The following NEK1 variants were observed in gnomAD, a reference collection of about 807,000 sequenced individuals.
NEK1 encodes serine/threonine-protein kinase Nek1.
NEK1 carries 137 observed loss-of-function variants against 182.1 expected under a neutral mutation model. The observed-to-expected ratio is 0.75, with a 90% confidence interval of 0.65 to 0.87. The LOEUF (loss-of-function observed/expected upper bound fraction) is 0.87, where lower values mean the gene tolerates loss of function less well. Among genes scored for constraint, NEK1 ranks in the 40% least tolerant of loss-of-function variants. The pLI, the probability that NEK1 is intolerant of heterozygous loss-of-function variation, is 0.00. For synonymous variants in NEK1, 513 were observed against 492.2 expected (o/e 1.04, Z -0.56); for missense variants, 1,391 against 1,494.4 (o/e 0.93, Z 1.14).
chr4:169,576,750 T>G (rs1244041416), intron 12 of NEK1, 178 bp downstream of exon 12: 2 of 530,628 alleles, frequency 3.8e-6, no homozygotes, highest in Non-Finnish European at 6.6e-6. Context: ...ACTTAATGAC[T>G]TTTTATGACT....
chr4:169,544,277 T>C (rs1030337041), intron 18 of NEK1, among the ~76,000 whole-genome samples: 4 of 152,180 alleles, frequency 2.6e-5, no homozygotes, highest in African/African-American at 9.7e-5. Context: ...GTTTATTGAT[T>C]TGTGGATGTT....
Position 169,498,968 on chromosome 4 carries a change from G to A in NEK1, c.2007+8069C>T, listed in dbSNP as rs929433776. 1.2e-4 allele frequency among the ~76,000 whole-genome samples: 18 copies of A among 152,310 alleles called. 1 individual carries two copies. Among genetic ancestry groups the A allele is most frequent in the Admixed American group, 1.2e-3 (18 of 15,296 alleles). The stretch of plus-strand genomic sequence containing the variant: ...TGTTGGCATGTCTTGCTAGATTGGG[G>A]AAGTTCTCCTGGATAATATACTGCA... On this transcript the variant is annotated intron_variant, in intron 23 of 35. Coordinates refer to ENST00000507142, the MANE Select transcript of NEK1 (RefSeq NM_001199397.3).
chr4:169,558,561 GTTTTTAAGA>G (rs1420010735), intron 16 of NEK1, among the ~76,000 whole-genome samples: 1 of 152,088 alleles, frequency 6.6e-6, no homozygotes, highest in East Asian at 1.9e-4. Flanking sequence ...TCACTCACAG[GTTTTTAAGA>G]TTGATCCATG....
intron 16 of NEK1, among the ~76,000 whole-genome samples, chr4:169,557,292 T>A (rs1269862091): frequency 1.4e-5 from 2 of 138,994 alleles, no homozygotes; most frequent in African/African-American, 5.3e-5. Flanking sequence ...ACTTAAAGAC[T>A]CAACCACCGA....
chr4:169,608,213 A>G (rs1201395261), intron 2 of NEK1, among the ~76,000 whole-genome samples: 1 of 152,202 alleles, frequency 6.6e-6, no homozygotes, highest in East Asian at 1.9e-4. Flanking sequence ...GCTTAATATC[A>G]AAACACATTA....
At chr4:169,558,973 C>G (rs982067343) in intron 16 of NEK1, among the ~76,000 whole-genome samples, 3 of 152,004 alleles carry the variant, frequency 2.0e-5, no homozygotes, top group Non-Finnish European at 4.4e-5. Context: ...ATCAAACAGC[C>G]TAACAAGTTA....
intron 23 of NEK1, among the ~76,000 whole-genome samples, chr4:169,506,080 T>C (rs1753203447): frequency 6.7e-6 from 1 of 149,898 alleles, no homozygotes; most frequent in South Asian, 2.1e-4. Flanking sequence ...TACAATATGA[T>C]TGAAAAAAAA....
intron 5 of NEK1, among the ~76,000 whole-genome samples, chr4:169,591,379 T>C (rs1410978454): frequency 6.6e-6 from 1 of 152,072 alleles, no homozygotes; most frequent in Non-Finnish European, 1.5e-5. Context: ...GGTCTTGAAC[T>C]CCTGGTCTCA....
At chr4:169,547,429 G>A (rs528692601) in intron 18 of NEK1, among the ~76,000 whole-genome samples, 10 of 152,056 alleles carry the variant, frequency 6.6e-5, no homozygotes, top group East Asian at 5.8e-4. Flanking sequence ...TTCAACCTTG[G>A]TGCATCTGAC....
At chr4:169,599,852 A>C (rs1770183447) in intron 4 of NEK1, among the ~76,000 whole-genome samples, 1 of 152,038 alleles carries the variant, frequency 6.6e-6, no homozygotes, top group South Asian at 2.1e-4. Flanking sequence ...CTTCCTATGG[A>C]TAGAAAGGAC....
intron 29 of NEK1, among the ~76,000 whole-genome samples, chr4:169,432,071 A>AG (rs895965327): frequency 6.1e-4 from 93 of 151,912 alleles, no homozygotes; most frequent in African/African-American, 2.1e-3. Context: ...TAAAAAAAAA[A>AG]GGGGGGGACC....
intron 11 of NEK1, among the ~76,000 whole-genome samples, chr4:169,577,505 C>T (rs577655032): frequency 4.5e-4 from 69 of 152,090 alleles, no homozygotes; most frequent in Non-Finnish European, 8.7e-4. Flanking sequence ...CGGTGGCTCA[C>T]GCCTGTAATC....
At chr4:169,502,102 T>C (rs1180086191) in intron 23 of NEK1, among the ~76,000 whole-genome samples, 1 of 151,902 alleles carries the variant, frequency 6.6e-6, no homozygotes, top group Admixed American at 6.6e-5. Context: ...CCTCAGAGAC[T>C]ACTATAAACA....
At position 169,393,945 on chromosome 4, in the gene NEK1, G is replaced by T. The variant is rs1337772200; in HGVS notation, c.*565C>A. ...TTTCTACAGCCTGTGTGCTAGTTCA[G>T]GAGACACACTGATTGTAAAAGGACT... On this transcript the variant is annotated 3_prime_UTR_variant, in exon 36 of 36. Coordinates refer to ENST00000507142, the MANE Select transcript of NEK1 (RefSeq NM_001199397.3). 6.6e-6 allele frequency: 1 copy of T among 152,126 alleles called. No homozygotes were observed. Among genetic ancestry groups the T allele is most frequent in the Non-Finnish European group, 1.5e-5 (1 of 68,024 alleles). 9.4% of individuals were successfully genotyped at this position (152,126 alleles called of 1,614,324 possible). A position where few individuals can be genotyped will look rare whatever the true frequency, so the allele number is the denominator to read the frequency against.
chr4:169,397,121 G>A (rs1436155070), intron 35 of NEK1, among the ~76,000 whole-genome samples: 1 of 152,062 alleles, frequency 6.6e-6, no homozygotes, highest in Non-Finnish European at 1.5e-5. Context: ...TTACTCAGGA[G>A]GCTGAAGTGG....
intron 23 of NEK1, among the ~76,000 whole-genome samples, chr4:169,501,718 C>T (rs1241320484): frequency 2.6e-5 from 4 of 152,044 alleles, no homozygotes; most frequent in Admixed American, 2.6e-4. Context: ...AGTAGAAACA[C>T]TACATACCAA....
In NEK1 at chr4:169,561,140, A is replaced by C. The variant is rs534811321; in HGVS notation, c.1266+340T>G. Among the ~76,000 whole-genome samples the C allele has an allele frequency of 1.0e-3, 156 of 152,308 alleles. 4 individuals carry two copies. Among genetic ancestry groups the C allele is most frequent in the Middle Eastern group, 0.01 (3 of 294 alleles). ...TCAGATTAAGAAGCATCTTCTGAGA[A>C]CTTAATCTTCAAGGCTACATGAAAT... On this transcript the variant is annotated intron_variant, in intron 16 of 35. Transcript: ENST00000507142.
chr4:169,571,502 G>A (rs1240626570), intron 12 of NEK1, among the ~76,000 whole-genome samples: 1 of 152,168 alleles, frequency 6.6e-6, no homozygotes, highest in Non-Finnish European at 1.5e-5. Context: ...GTTATTACTT[G>A]ATATAGTGTG....
chr4:169,488,043 G>A (rs1371201088), intron 23 of NEK1, among the ~76,000 whole-genome samples: 1 of 151,730 alleles, frequency 6.6e-6, no homozygotes, highest in African/African-American at 2.4e-5. Flanking sequence ...TTGTAAATTT[G>A]TTTAAGTTCC....
Sources: allele counts gnomAD v4.1 joint callset (sites outside exome capture counted in the v4.1 genomes callset), GRCh38; gene constraint gnomAD v4.1.1; transcripts MANE v1.5; gene names NCBI Gene and HGNC (gene_info 2026-07-23, HGNC 2026-07-21).